The following FAM13A variants were observed in gnomAD, a reference collection of about 807,000 sequenced individuals.
FAM13A encodes protein FAM13A.
In FAM13A, 76 loss-of-function variants were observed where a neutral mutation model predicts 129.6. The ratio of observed to expected loss-of-function variants is 0.59; its 90% CI spans 0.49 to 0.71. The LOEUF (loss-of-function observed/expected upper bound fraction) is 0.71. Among genes scored for constraint, FAM13A ranks in the 30% least tolerant of loss-of-function variants. The pLI is 0.00. For synonymous variants in FAM13A, 443 were observed against 449.9 expected (o/e 0.98, Z 0.20); for missense variants, 1,108 against 1,249.3 (o/e 0.89, Z 1.70).
chr4:88,972,630 C>T, intron 4 of FAM13A, among the ~76,000 whole-genome samples: 1 of 151,584 alleles, frequency 6.6e-6, no homozygotes, highest in Non-Finnish European at 1.5e-5. Flanking sequence ...GGGGGGAGAA[C>T]AGAGTCTCAC....
At chr4:88,927,486 GT>G (rs1554031424) in intron 5 of FAM13A, among the ~76,000 whole-genome samples, 5 of 95,470 alleles carry the variant, frequency 5.2e-5, no homozygotes, top group East Asian at 3.0e-4. Flanking sequence ...CTGGTTCTAG[GT>G]TTTTTTTTTC....
chr4:88,747,982 T>C (rs1170173809), intron 17 of FAM13A, 131 bp from the exon 18 acceptor site: 9 of 625,624 alleles, frequency 1.4e-5, no homozygotes, highest in South Asian at 4.0e-5. Flanking sequence ...CTCCGCCTCC[T>C]GGGTTCACGC....
chr4:88,996,055 A>T lies in FAM13A; in HGVS notation c.428-4905T>A, dbSNP rs185945209. 3.0e-4 allele frequency among the ~76,000 whole-genome samples: 46 copies of T among 152,308 alleles called. No homozygotes were observed. In the East Asian group the frequency reaches 5.0e-3, roughly 17 times the overall value. ...TGAAATAAATAAGGAAGTGTGTAGT[A>T]GGCAAGGAAACAGCACACGCAAAGG... On this transcript the variant is annotated intron_variant, in intron 3 of 23. Transcript: ENST00000264344.
chr4:88,949,439 C>T (rs1454894533), intron 4 of FAM13A, among the ~76,000 whole-genome samples: 1 of 152,012 alleles, frequency 6.6e-6, no homozygotes, highest in Non-Finnish European at 1.5e-5. Context: ...TATGTAGTTC[C>T]TTGCCAGAAA....
At chr4:88,807,219 T>A (rs1196840471) in intron 7 of FAM13A, among the ~76,000 whole-genome samples, 2 of 152,220 alleles carry the variant, frequency 1.3e-5, no homozygotes, top group African/African-American at 2.4e-5. Context: ...ATTTAAATGG[T>A]TCAGGGCTCT....
chr4:88,793,536 G>T (rs1725589309), intron 8 of FAM13A, among the ~76,000 whole-genome samples: 1 of 151,926 alleles, frequency 6.6e-6, no homozygotes, highest in Non-Finnish European at 1.5e-5. Context: ...AGCATTAGGA[G>T]AAGATATTTT....
intron 7 of FAM13A, among the ~76,000 whole-genome samples, chr4:88,824,663 T>C (rs1732653708): frequency 6.6e-6 from 1 of 152,082 alleles, no homozygotes; most frequent in Admixed American, 6.6e-5. Flanking sequence ...TTCCATACCA[T>C]TTTTATTTTA....
intron 4 of FAM13A, among the ~76,000 whole-genome samples, chr4:88,947,420 C>CA (rs1560489802): frequency 6.6e-6 from 1 of 151,896 alleles, no homozygotes; most frequent in Non-Finnish European, 1.5e-5. Flanking sequence ...ACAACAACAA[C>CA]AAAAAACACA....
intron 6 of FAM13A, among the ~76,000 whole-genome samples, chr4:88,866,384 G>T (rs74450573): frequency 6.6e-6 from 1 of 151,652 alleles, no homozygotes; most frequent in Non-Finnish European, 1.5e-5. Context: ...GTTTTGCCAT[G>T]TTGGCCAGGC....
chr4:88,895,222 G>A (rs1746080112), intron 6 of FAM13A, among the ~76,000 whole-genome samples: 1 of 151,912 alleles, frequency 6.6e-6, no homozygotes, highest in African/African-American at 2.4e-5. Flanking sequence ...TATAAACTAG[G>A]TTGATGCATG....
chr4:88,746,333 A>T (rs200036845), intron 19 of FAM13A, among the ~76,000 whole-genome samples: 1 of 152,220 alleles, frequency 6.6e-6, no homozygotes, highest in East Asian at 1.9e-4. Context: ...ACAGCTAACA[A>T]CAAACATTTA....
At chr4:88,900,012 C>A (rs1427378013) in intron 6 of FAM13A, among the ~76,000 whole-genome samples, 1 of 151,946 alleles carries the variant, frequency 6.6e-6, no homozygotes, top group Non-Finnish European at 1.5e-5. Context: ...GCAGAATAGA[C>A]CAAGTGGAGG....
At chr4:89,004,484 A>T (rs1220687830) in intron 3 of FAM13A, among the ~76,000 whole-genome samples, 2 of 152,234 alleles carry the variant, frequency 1.3e-5, no homozygotes, top group African/African-American at 4.8e-5. Flanking sequence ...GTTCAAGCAC[A>T]GTTTCAATTA....
intron 1 of FAM13A, among the ~76,000 whole-genome samples, chr4:89,033,127 C>T (rs1768914249): frequency 1.4e-5 from 2 of 138,520 alleles, no homozygotes; most frequent in Non-Finnish European, 3.2e-5. Context: ...TAACAACACA[C>T]ACACACACAC....
chr4:88,882,387 C>T (rs1436303850), intron 6 of FAM13A, among the ~76,000 whole-genome samples: 1 of 152,012 alleles, frequency 6.6e-6, no homozygotes, highest in African/African-American at 2.4e-5. Context: ...AACTAAGCTT[C>T]ATAAAGGAAG....
chr4:88,728,488 A>G lies in FAM13A; in HGVS notation c.*45T>C. The G allele has an allele frequency of 6.2e-7, 1 of 1,611,962 alleles. No individual in the cohort carries two copies. Among genetic ancestry groups the G allele is most frequent in the Non-Finnish European group, 8.5e-7 (1 of 1,179,238 alleles). On this transcript the variant is annotated 3_prime_UTR_variant, in exon 24 of 24. Coordinates refer to ENST00000264344, the MANE Select transcript of FAM13A (RefSeq NM_014883.4). ...GAGCTGCACTTTCTCTGGGGACAGT[A>G]AACTCTCACCGCAGCTGCCAGCCCC...
chr4:88,790,554 CA>C, intron 9 of FAM13A, 31 bp downstream of exon 9: 1 of 1,555,418 alleles, frequency 6.4e-7, no homozygotes, highest in South Asian at 1.2e-5. Flanking sequence ...AAAAAAAACC[CA>C]AAGCCCAAAA....
At position 88,758,750 on chromosome 4, in the gene FAM13A, C is replaced by G. The variant is rs758398854; in HGVS notation, c.1726+4G>C. 1.2e-6 allele frequency: 2 copies of G among 1,610,712 alleles called. No individual in the cohort carries two copies. The highest frequency in any genetic ancestry group is 2.2e-5 in the South Asian group (2 of 90,686). On this transcript the variant is annotated splice_donor_region_variant and intron_variant, in intron 14 of 23. Coordinates refer to ENST00000264344, the MANE Select transcript of FAM13A (RefSeq NM_014883.4). ...CAAATCATCCAAGTATCAGACAACC[C>G]TACCTTCCCAGTTCTTTTCATCACA...
chr4:88,813,533 G>T (rs1354391810), intron 7 of FAM13A, among the ~76,000 whole-genome samples: 1 of 152,108 alleles, frequency 6.6e-6, no homozygotes, highest in Non-Finnish European at 1.5e-5. Context: ...GAAGGAAAAA[G>T]AAAATTGTTT....
Sources: gnomAD v4.1 joint callset for allele counts (sites outside exome capture counted in the v4.1 genomes callset) on GRCh38, gnomAD v4.1.1 for gene constraint, MANE v1.5 for transcripts, NCBI Gene and HGNC (gene_info 2026-07-23, HGNC 2026-07-21) for gene names.